The following TRHDE variants were observed in gnomAD, a reference collection of about 807,000 sequenced individuals.
TRHDE encodes thyrotropin releasing hormone degrading enzyme.
In TRHDE, 72 loss-of-function variants were observed where a neutral mutation model predicts 125.7. The ratio of observed to expected loss-of-function variants is 0.57; its 90% CI spans 0.47 to 0.70. The LOEUF (loss-of-function observed/expected upper bound fraction) is 0.70. TRHDE is among the 30% of genes least tolerant of loss of function. The probability of loss-of-function intolerance (pLI) is 0.00; values close to 1 mark genes in which losing one functional copy is unlikely to be tolerated. For missense variants in TRHDE, 1,110 were observed against 1,327.1 expected (o/e 0.84, Z 2.54); for synonymous variants, 509 against 509.1 (o/e 1.00, Z 0.00).
rs190010662 is a variant in TRHDE, at chr12:72,286,454, C to T, written c.915-227C>T. 4.1e-4 allele frequency among the ~76,000 whole-genome samples: 63 copies of T among 152,180 alleles called. 1 individual carries two copies. Among genetic ancestry groups the T allele is most frequent in the Non-Finnish European group, 8.1e-4 (55 of 68,020 alleles). On this transcript the variant is annotated intron_variant, in intron 1 of 18. Coordinates refer to ENST00000261180, the MANE Select transcript of TRHDE (RefSeq NM_013381.3). ...CTAATGAGCACTTCTCTGGGTTTAA[C>T]GAATTTATTTTAATTGAGGCAGAAA...
At chr12:72,190,130 C>T (rs1055540460) in intron 2 of TRHDE, among the ~76,000 whole-genome samples, 1 of 152,186 alleles carries the variant, frequency 6.6e-6, no homozygotes, top group Non-Finnish European at 1.5e-5. Flanking sequence ...AATATCAAGT[C>T]TGTCTAGCAG....
At chr12:72,312,957 G>A (rs1033416467) in intron 2 of TRHDE, among the ~76,000 whole-genome samples, 1 of 151,942 alleles carries the variant, frequency 6.6e-6, no homozygotes, top group Admixed American at 6.6e-5. Context: ...AACTTTTAAA[G>A]GAAGTCTTCC....
intron 2 of TRHDE, among the ~76,000 whole-genome samples, chr12:72,195,477 T>G (rs1294729588): frequency 6.6e-6 from 1 of 152,022 alleles, no homozygotes; most frequent in Non-Finnish European, 1.5e-5. Context: ...ATTGTGGTTT[T>G]GCTTTGCACT....
At chr12:72,479,657 A>T (rs7486182) in intron 5 of TRHDE, among the ~76,000 whole-genome samples, 74 of 133,358 alleles carry the variant, frequency 5.5e-4, no homozygotes, top group African/African-American at 2.1e-3. Flanking sequence ...GTTTTTTTTT[A>T]ATTTTTATTT....
chr12:72,427,000 A>G (rs186544667), intron 3 of TRHDE, among the ~76,000 whole-genome samples: 57 of 152,228 alleles, frequency 3.7e-4, no homozygotes, highest in African/African-American at 1.3e-3. Flanking sequence ...AGAACACTAA[A>G]AGTTGATCTT....
intron 12 of TRHDE, among the ~76,000 whole-genome samples, chr12:72,591,475 G>C (rs1022869003): frequency 6.6e-6 from 1 of 151,672 alleles, no homozygotes; most frequent in African/African-American, 2.4e-5. Flanking sequence ...TATAATGTAT[G>C]CATATATATA....
intron 2 of TRHDE, among the ~76,000 whole-genome samples, chr12:72,325,452 A>C (rs1303911156): frequency 6.6e-6 from 1 of 152,130 alleles, no homozygotes; most frequent in Non-Finnish European, 1.5e-5. Context: ...GTAAAGCAAG[A>C]CTTCAATGGC....
intron 2 of TRHDE, among the ~76,000 whole-genome samples, chr12:72,180,187 A>C (rs1254031994): frequency 2.0e-5 from 3 of 152,050 alleles, no homozygotes; most frequent in Non-Finnish European, 4.4e-5. Context: ...TTTTAAAAAA[A>C]AGTTATGTTT....
intron 6 of TRHDE, among the ~76,000 whole-genome samples, chr12:72,536,357 G>T (rs895622014): frequency 2.0e-5 from 3 of 152,120 alleles, no homozygotes; most frequent in Non-Finnish European, 4.4e-5. Flanking sequence ...AGCCAGAGAA[G>T]GTAGGGGGAC....
intron 6 of TRHDE, among the ~76,000 whole-genome samples, chr12:72,516,319 T>A (rs907708265): frequency 6.6e-6 from 1 of 152,150 alleles, no homozygotes; most frequent in African/African-American, 2.4e-5. Context: ...TTTTATTTCA[T>A]TGAGCAGTGG....
chr12:72,458,917 GATA>G (rs1458352875), intron 3 of TRHDE, among the ~76,000 whole-genome samples: 1 of 152,090 alleles, frequency 6.6e-6, no homozygotes, highest in Non-Finnish European at 1.5e-5. Flanking sequence ...TGATGATGAT[GATA>G]ATAACTGTAT....
intron 2 of TRHDE, among the ~76,000 whole-genome samples, chr12:72,194,630 G>C (rs1423047391): frequency 6.6e-6 from 1 of 152,064 alleles, no homozygotes. Context: ...ACATGCAGTA[G>C]TTGGCTTTCT....
At chr12:72,446,107 C>T (rs962203661) in intron 3 of TRHDE, among the ~76,000 whole-genome samples, 1 of 150,962 alleles carries the variant, frequency 6.6e-6, no homozygotes, top group Non-Finnish European at 1.5e-5. Context: ...CTGTCAAAAT[C>T]CAAATATCGA....
intron 2 of TRHDE, among the ~76,000 whole-genome samples, chr12:72,216,923 G>A (rs1399512734): frequency 6.6e-6 from 1 of 150,816 alleles, no homozygotes; most frequent in Non-Finnish European, 1.5e-5. Flanking sequence ...TAACTTCATG[G>A]GTATTTTTGC....
intron 13 of TRHDE, among the ~76,000 whole-genome samples, chr12:72,619,606 G>T (rs1359572810): frequency 6.6e-6 from 1 of 152,146 alleles, no homozygotes; most frequent in African/African-American, 2.4e-5. Context: ...CAGATTTTCT[G>T]AACTCAAAAC....
At chr12:72,200,599 G>C (rs1025800875) in intron 2 of TRHDE, among the ~76,000 whole-genome samples, 4 of 152,120 alleles carry the variant, frequency 2.6e-5, no homozygotes, top group Non-Finnish European at 5.9e-5. Context: ...TTGCTTTTGT[G>C]GCTGGATTGG....
In TRHDE at chr12:72,331,464, TATGCTACC is replaced by T. The variant is rs1308830933; in HGVS notation, c.1188+44511_1188+44518del. Among the ~76,000 whole-genome samples the T allele has an allele frequency of 7.1e-4, 72 of 101,806 alleles. 16 individuals carry two copies. Among genetic ancestry groups the T allele is most frequent in the Admixed American group, 1.3e-3 (14 of 11,056 alleles). 66.8% of individuals were successfully genotyped at this position (101,806 alleles called of 152,430 possible). A position where few individuals can be genotyped will look rare whatever the true frequency, so the allele number is the denominator to read the frequency against. On this transcript the variant is annotated intron_variant, in intron 2 of 18. Coordinates refer to ENST00000261180, the MANE Select transcript of TRHDE (RefSeq NM_013381.3). ...TCTTGACAGAAAGACATTTCATTAC[TATGCTACC>T]GAATGAACTAATTATTTCTGCTATG...
chr12:72,637,005 G>A (rs558365320), intron 15 of TRHDE, among the ~76,000 whole-genome samples: 1 of 152,304 alleles, frequency 6.6e-6, no homozygotes, highest in South Asian at 2.1e-4. Flanking sequence ...GTATCAGGAT[G>A]ATGCTGGCCT....
At chr12:72,100,836 G>T (rs1260050314) in intron 1 of TRHDE, among the ~76,000 whole-genome samples, 2 of 152,112 alleles carry the variant, frequency 1.3e-5, no homozygotes, top group Non-Finnish European at 2.9e-5. Flanking sequence ...ATATGACAGG[G>T]TTATGTCAAT....
Sources: allele counts gnomAD v4.1 joint callset (sites outside exome capture counted in the v4.1 genomes callset), GRCh38; gene constraint gnomAD v4.1.1; transcripts MANE v1.5; gene names NCBI Gene and HGNC (gene_info 2026-07-23, HGNC 2026-07-21).